Variants in NLRP8 observed in about 807,000 individuals in gnomAD.
The protein encoded by NLRP8 is NLR family pyrin domain containing 8.
NLRP8 carries 86 observed loss-of-function variants against 88.7 expected under a neutral mutation model. That is an observed-to-expected ratio of 0.97 (90% CI 0.81 to 1.16). The LOEUF (loss-of-function observed/expected upper bound fraction) is 1.16, where lower values mean the gene tolerates loss of function less well. Ranked by LOEUF, NLRP8 falls within the 50% of genes most tolerant of loss-of-function variation. NLRP8 has a pLI of 0.00. For missense variants in NLRP8, 1,342 were observed against 1,286.5 expected, an observed-to-expected ratio of 1.04 and a Z score of -0.66; for synonymous variants, 504 against 494.6, an observed-to-expected ratio of 1.02 and a Z score of -0.25.
rs1979282721 is a variant in NLRP8, at chr19:55,955,171, A to T, written c.1113A>T (p.Gly371=). ...TCAAGTATTTCCAGATGTATTTTGG[A>T]CACACAGAGGAGGGAGACCAAGTCT... Residue 371 remains glycine (G), a synonymous_variant, in exon 3 of 10, where the codon GGA becomes GGT. Coordinates refer to ENST00000291971, the MANE Select transcript of NLRP8 (RefSeq NM_176811.2). 1 of 1,613,922 alleles carries T rather than the reference A, an allele frequency of 6.2e-7. No homozygotes were observed. The highest frequency in any genetic ancestry group is 1.1e-5 in the South Asian group (1 of 91,084).
chr19:55,948,000 C>T lies in NLRP8; in HGVS notation c.98C>T (p.Pro33Leu). Residue 33 changes from proline (P) to leucine (L), a missense_variant, in exon 1 of 10, where the codon CCC (proline) becomes CTC (leucine). By Grantham distance (98) the Pro-to-Leu change is moderately conservative. Coordinates refer to ENST00000291971, the MANE Select transcript of NLRP8 (RefSeq NM_176811.2). ...CCGCCCTGGACATTCTCTTGCTACC[C>T]CGGCTCCCCATGTGAAAATGGGGTC... 3 of 1,614,088 alleles carry T rather than the reference C, an allele frequency of 1.9e-6. No homozygotes were observed. Among genetic ancestry groups the T allele is most frequent in the Non-Finnish European group, 2.5e-6 (3 of 1,180,028 alleles).
intron 4 of NLRP8, among the ~76,000 whole-genome samples, chr19:55,965,278 C>T (rs897394444): frequency 2.0e-5 from 3 of 152,030 alleles, no homozygotes; most frequent in African/African-American, 7.3e-5. Flanking sequence ...TAATAAAATC[C>T]TGTCTCTATT....
intron 8 of NLRP8, among the ~76,000 whole-genome samples, chr19:55,978,262 G>A (rs1164157930): frequency 2.0e-5 from 3 of 152,052 alleles, no homozygotes; most frequent in South Asian, 2.1e-4. Flanking sequence ...GGAGATATAC[G>A]TAATGTTAAA....
chr19:55,963,745 A>C (rs571261451), intron 4 of NLRP8, among the ~76,000 whole-genome samples: 1 of 151,628 alleles, frequency 6.6e-6, no homozygotes, highest in Admixed American at 6.6e-5. Context: ...TGTAGAGACA[A>C]GGTCTCCCTA....
chr19:55,949,122 C>A (rs192178522), intron 1 of NLRP8, among the ~76,000 whole-genome samples: 4 of 152,218 alleles, frequency 2.6e-5, no homozygotes, highest in Admixed American at 6.5e-5. Context: ...CAGAGAGAGA[C>A]CACATTTACA....
In NLRP8 at chr19:55,986,757, C is replaced by G. The variant is rs1416195294; in HGVS notation, c.3048-1057C>G. Among the ~76,000 whole-genome samples the G allele has an allele frequency of 4.6e-5, 7 of 151,682 alleles. No homozygotes were observed. The East Asian group carries it at 1.4e-3, about 30-fold the overall frequency. ...TGGGCGTGGAGCTGGGCGTGGCCTT[C>G]TTTTTTCCGTGATTGCCAGCTGGCC... On this transcript the variant is annotated intron_variant, in intron 9 of 9. Transcript: ENST00000291971.
At chr19:55,976,371 T>A in intron 8 of NLRP8, 68 bp downstream of exon 8, 1 of 1,315,964 alleles carries the variant, frequency 7.6e-7, no homozygotes, top group Non-Finnish European at 1.0e-6. Flanking sequence ...CAGGATGGAA[T>A]ATATAACAGG....
chr19:55,950,144 C>A (rs991904673), intron 1 of NLRP8, among the ~76,000 whole-genome samples: 10 of 151,940 alleles, frequency 6.6e-5, no homozygotes, highest in African/African-American at 2.2e-4. Flanking sequence ...GGCACGGTGG[C>A]TCACGCCTGT....
chr19:55,973,514 T>G, intron 6 of NLRP8, 138 bp from the exon 7 acceptor site: 1 of 667,964 alleles, frequency 1.5e-6, no homozygotes, highest in Non-Finnish European at 2.4e-6. Context: ...CTTGAAAGCT[T>G]GGAAGTCCTG....
intron 9 of NLRP8, among the ~76,000 whole-genome samples, chr19:55,986,211 T>C (rs1249405829): frequency 6.6e-6 from 1 of 151,876 alleles, no homozygotes; most frequent in African/African-American, 2.4e-5. Flanking sequence ...AATTTGTCAA[T>C]ACACAAAAAA....
In NLRP8 at chr19:55,955,014, T is replaced by G. The variant is rs1979271616; in HGVS notation, c.956T>G (p.Leu319Trp). The G allele has an allele frequency of 2.5e-6, 4 of 1,614,182 alleles. No individual in the cohort carries two copies. Among genetic ancestry groups the G allele is most frequent in the Middle Eastern group, 1.6e-4 (1 of 6,062 alleles). The change falls in exon 3 of 10, where the codon TTG (leucine) becomes TGG (tryptophan). Residue 319 changes from leucine (L) to tryptophan (W), a missense_variant. Leu to Trp is a moderately conservative substitution (Grantham distance 61, BLOSUM62 -2). Coordinates refer to ENST00000291971, the MANE Select transcript of NLRP8 (RefSeq NM_176811.2). Reference sequence around the variant, plus strand: ...CCTGGGTCTGTCCTACTGAGCAGTTTGCTGAGCAAAACGATGCTTCCAGAG... The same window carrying G: ...CCTGGGTCTGTCCTACTGAGCAGTTGGCTGAGCAAAACGATGCTTCCAGAG...
intron 3 of NLRP8, among the ~76,000 whole-genome samples, chr19:55,958,636 C>A (rs1373781991): frequency 6.6e-6 from 1 of 152,182 alleles, no homozygotes; most frequent in African/African-American, 2.4e-5. Flanking sequence ...TTACGGCCAG[C>A]AAAGCTGAAT....
intron 9 of NLRP8, among the ~76,000 whole-genome samples, chr19:55,983,810 A>T (rs1980678950): frequency 9.2e-6 from 1 of 109,072 alleles, no homozygotes; most frequent in East Asian, 2.4e-4. Context: ...AGACCAACCT[A>T]GTAGATGCAA....
At chr19:55,950,485 A>C (rs1050704842) in intron 1 of NLRP8, among the ~76,000 whole-genome samples, 3 of 151,990 alleles carry the variant, frequency 2.0e-5, no homozygotes, top group Non-Finnish European at 4.4e-5. Context: ...TTGTTCATGG[A>C]TTCTGTATTC....
At position 55,955,539 on chromosome 19, in the gene NLRP8, G is replaced by A. The variant is rs1436407482; in HGVS notation, c.1481G>A (p.Arg494Gln). 1.2e-5 allele frequency: 19 copies of A among 1,614,132 alleles called. No homozygotes were observed. The highest frequency in any genetic ancestry group is 9.9e-5 in the South Asian group (9 of 91,074). The change falls in exon 3 of 10, where the codon CGG (arginine) becomes CAG (glutamine). Residue 494 changes from arginine (R) to glutamine (Q), a missense_variant. Physicochemically the swap from Arg to Gln is conservative, Grantham distance 43. Coordinates refer to ENST00000291971, the MANE Select transcript of NLRP8 (RefSeq NM_176811.2). Reference sequence around the variant, plus strand: ...GCCTTCCTTGGCATGAGTATTCTTCGGAGAATTGCAGGTGAGGAAGACCAC... The same window carrying A: ...GCCTTCCTTGGCATGAGTATTCTTCAGAGAATTGCAGGTGAGGAAGACCAC...
intron 1 of NLRP8, among the ~76,000 whole-genome samples, chr19:55,950,851 G>A (rs568985850): frequency 7.2e-5 from 11 of 152,302 alleles, no homozygotes; most frequent in South Asian, 2.1e-4. Context: ...AGGCCGAGGC[G>A]GGAGGATCAT....
intron 2 of NLRP8, among the ~76,000 whole-genome samples, chr19:55,953,792 CTTTTTT>C (rs35767678): frequency 7.2e-5 from 4 of 55,246 alleles, no homozygotes; most frequent in Admixed American, 3.2e-4. Context: ...TGTGCCTGGC[CTTTTTT>C]TTTTTTTTTT....
chr19:55,977,098 A>G (rs1003393147), intron 8 of NLRP8, among the ~76,000 whole-genome samples: 1 of 147,822 alleles, frequency 6.8e-6, no homozygotes, highest in African/African-American at 2.5e-5. Flanking sequence ...AAAAAGATAC[A>G]TATATACATA....
chr19:55,954,979 G>A lies in NLRP8; in HGVS notation c.921G>A (p.Arg307=). The change falls in exon 3 of 10, where the codon AGG becomes AGA. Residue 307 remains arginine (R), a synonymous_variant. Coordinates refer to ENST00000291971, the MANE Select transcript of NLRP8 (RefSeq NM_176811.2). Reference sequence around the variant, plus strand: ...TGGAGGACCTGAGTGAAGACTGGAGGCAGAAATTGCCTGGGTCTGTCCTAC... The same window carrying A: ...TGGAGGACCTGAGTGAAGACTGGAGACAGAAATTGCCTGGGTCTGTCCTAC... 1 of 1,614,110 alleles carries A rather than the reference G, an allele frequency of 6.2e-7. No homozygotes were observed. The highest frequency in any genetic ancestry group is 8.5e-7 in the Non-Finnish European group (1 of 1,180,028).
Sources: allele counts gnomAD v4.1 joint callset (sites outside exome capture counted in the v4.1 genomes callset), GRCh38; gene constraint gnomAD v4.1.1; transcripts MANE v1.5; gene names NCBI Gene and HGNC (gene_info 2026-07-23, HGNC 2026-07-21).